The following PDE10A variants were observed in gnomAD, a reference collection of about 807,000 sequenced individuals.
PDE10A encodes the protein cAMP and cAMP-inhibited cGMP 3',5'-cyclic phosphodiesterase 10A.
Under a neutral mutation model 97.7 loss-of-function variants are expected in PDE10A, and 39 were observed. The ratio of observed to expected loss-of-function variants is 0.40; its 90% CI spans 0.31 to 0.52. The LOEUF (loss-of-function observed/expected upper bound fraction) is 0.52. PDE10A is among the 20% of genes least tolerant of loss of function. PDE10A has a pLI of 0.56. For missense variants in PDE10A, 731 were observed against 1,047.8 expected, an observed-to-expected ratio of 0.70 and a Z score of 4.17; for synonymous variants, 371 against 376.8, an observed-to-expected ratio of 0.98 and a Z score of 0.18.
rs544250504 is a variant in PDE10A, at chr6:165,744,038, T to G, written c.-614-200470A>C. 3.9e-5 allele frequency among the ~76,000 whole-genome samples: 6 copies of G among 152,274 alleles called. No homozygotes were observed. The South Asian group carries it at 1.0e-3, about 26-fold the overall frequency. ...TGATTGATCACTTCCCCCTAATGCCTCCTTTGTAAAATTGGGAGTTACAGG... is the reference window on the plus strand; with the variant it reads ...TGATTGATCACTTCCCCCTAATGCCGCCTTTGTAAAATTGGGAGTTACAGG... On this transcript the variant is annotated intron_variant, in intron 1 of 19. Coordinates refer to the PDE10A transcript ENST00000366882.
intron 1 of PDE10A, among the ~76,000 whole-genome samples, chr6:165,745,181 C>T (rs956495743): frequency 3.9e-5 from 6 of 152,116 alleles, no homozygotes; most frequent in African/African-American, 1.2e-4. Flanking sequence ...GCTGTGGAAA[C>T]CTCACATCAC....
At chr6:165,861,941 G>A (rs1051143772) in intron 1 of PDE10A, among the ~76,000 whole-genome samples, 1 of 152,174 alleles carries the variant, frequency 6.6e-6, no homozygotes, top group African/African-American at 2.4e-5. Flanking sequence ...TTCAGACTCT[G>A]ACCAGGCAAC....
intron 2 of PDE10A, among the ~76,000 whole-genome samples, chr6:165,483,933 T>C (rs994468994): frequency 6.6e-6 from 1 of 152,228 alleles, no homozygotes; most frequent in Non-Finnish European, 1.5e-5. Context: ...GTTTATAAAA[T>C]CAATAATTTT....
chr6:165,547,386 T>C (rs1441637358), intron 1 of PDE10A, among the ~76,000 whole-genome samples: 1 of 152,116 alleles, frequency 6.6e-6, no homozygotes, highest in Admixed American at 6.5e-5. Context: ...GAAGAGCTGA[T>C]GAATTTCATT....
intron 3 of PDE10A, among the ~76,000 whole-genome samples, chr6:165,460,332 C>T (rs1778246121): frequency 6.6e-6 from 1 of 152,204 alleles, no homozygotes; most frequent in South Asian, 2.1e-4. Context: ...GTTGTTTTAT[C>T]TACTTTTGTT....
At chr6:165,774,471 ATAAT>A (rs1458041562) in intron 1 of PDE10A, among the ~76,000 whole-genome samples, 1 of 148,136 alleles carries the variant, frequency 6.8e-6, no homozygotes, top group African/African-American at 2.4e-5. Flanking sequence ...ACATGTATAT[ATAAT>A]ATATAAAAAT....
At chr6:165,749,143 T>C (rs2128455291) in intron 1 of PDE10A, among the ~76,000 whole-genome samples, 1 of 21,848 alleles carries the variant, frequency 4.6e-5, no homozygotes, top group East Asian at 1.1e-3. Context: ...AGTACTTAAA[T>C]AAAGACATAG....
chr6:165,918,906 T>A (rs1250733010), intron 1 of PDE10A, among the ~76,000 whole-genome samples: 2 of 152,158 alleles, frequency 1.3e-5, no homozygotes, highest in African/African-American at 4.8e-5. Flanking sequence ...TACAGAGGAC[T>A]GTTTTTAATG....
chr6:165,773,686 C>A (rs932535598), intron 1 of PDE10A, among the ~76,000 whole-genome samples: 1 of 152,056 alleles, frequency 6.6e-6, no homozygotes, highest in Non-Finnish European at 1.5e-5. Context: ...AGTTTATTGT[C>A]AAAATTTCCA....
At chr6:165,610,392 A>G (rs1428038936) in intron 1 of PDE10A, among the ~76,000 whole-genome samples, 2 of 152,124 alleles carry the variant, frequency 1.3e-5, no homozygotes, top group Non-Finnish European at 2.9e-5. Context: ...CTAGCTGGGC[A>G]TGGTGGCAGG....
Position 165,671,342 on chromosome 6 carries a change from G to A in PDE10A, c.-614-127774C>T, listed in dbSNP as rs1045254539. On this transcript the variant is annotated intron_variant, in intron 1 of 19. Coordinates refer to the PDE10A transcript ENST00000366882. This position sits in a 1 kb window ranked among gnomAD's most constrained non-coding sequence, Gnocchi z 4.6. The stretch of plus-strand genomic sequence containing the variant: ...ATTTTGGGAATATAGTAAGCACAAC[G>A]ACCCATGAGTGATCACAGAGTGAGC... Among the ~76,000 whole-genome samples the A allele has an allele frequency of 4.1e-4, 63 of 151,950 alleles. No homozygotes were observed. The highest frequency in any genetic ancestry group is 2.9e-4 in the Non-Finnish European group (20 of 68,014).
At chr6:165,866,535 A>C (rs1781056353) in intron 1 of PDE10A, among the ~76,000 whole-genome samples, 1 of 151,970 alleles carries the variant, frequency 6.6e-6, no homozygotes, top group Admixed American at 6.6e-5. Flanking sequence ...GTGTGCAAGT[A>C]TGTGCTGCAT....
Position 165,655,783 on chromosome 6 carries a change from TCTGA to T in PDE10A, c.865+6160_865+6163del, listed in dbSNP as rs943318421. 6.6e-6 allele frequency among the ~76,000 whole-genome samples: 1 copy of T among 152,072 alleles called. No individual in the cohort carries two copies. The highest frequency in any genetic ancestry group is 1.5e-5 in the Non-Finnish European group (1 of 68,004). ...TGCGGAGTAAACTGCAGTTTTTTCCTCTGACTGACAAAGCCTTCATCCGGCCCAT... is the reference window on the plus strand; with the variant it reads ...TGCGGAGTAAACTGCAGTTTTTTCCTCTGACAAAGCCTTCATCCGGCCCAT... On this transcript the variant is annotated intron_variant, in intron 1 of 21. Transcript: ENST00000539869. This position sits in a 1 kb window ranked among gnomAD's most constrained non-coding sequence, Gnocchi z 4.5.
intron 1 of PDE10A, among the ~76,000 whole-genome samples, chr6:165,704,349 G>A (rs139613286): frequency 2.0e-5 from 3 of 152,226 alleles, no homozygotes; most frequent in Admixed American, 6.5e-5. Context: ...AAACCCAACC[G>A]GCAACACTGG....
At chr6:165,957,346 T>C (rs1784163567) in intron 1 of PDE10A, among the ~76,000 whole-genome samples, 1 of 151,994 alleles carries the variant, frequency 6.6e-6, no homozygotes, top group South Asian at 2.1e-4. Context: ...TCAGACTTGG[T>C]GGCACATGTC....
At chr6:165,436,629 A>C (rs1257069655) in intron 5 of PDE10A, among the ~76,000 whole-genome samples, 1 of 152,178 alleles carries the variant, frequency 6.6e-6, no homozygotes, top group African/African-American at 2.4e-5. Context: ...GCATGTGAAA[A>C]ATTTAAGTAA....
chr6:165,907,591 T>G lies in PDE10A; in HGVS notation c.-615+79938A>C, dbSNP rs1264053002. On this transcript the variant is annotated intron_variant, in intron 1 of 19. Coordinates refer to the PDE10A transcript ENST00000366882. The stretch of plus-strand genomic sequence containing the variant: ...CAGCTTCCTTTCCCCCTCATCATCC[T>G]GCTCCTCAGCCAGGTGTCAGGGGTT... 4.6e-5 allele frequency among the ~76,000 whole-genome samples: 7 copies of G among 152,356 alleles called. 1 individual carries two copies. In the East Asian group the frequency reaches 1.4e-3, roughly 29 times the overall value.
At chr6:165,982,401 C>G (rs1785047408) in intron 1 of PDE10A, among the ~76,000 whole-genome samples, 1 of 152,112 alleles carries the variant, frequency 6.6e-6, no homozygotes, top group African/African-American at 2.4e-5. Context: ...AATAATATAC[C>G]ACTTACGTAA....
At chr6:165,468,648 T>A (rs573018596) in intron 3 of PDE10A, among the ~76,000 whole-genome samples, 52 of 152,324 alleles carry the variant, frequency 3.4e-4, no homozygotes, top group African/African-American at 1.1e-3. Context: ...AGGCTACTAT[T>A]CTCATGGAGT....
Sources: allele counts gnomAD v4.1 joint callset (sites outside exome capture counted in the v4.1 genomes callset), GRCh38; gene constraint gnomAD v4.1.1; non-coding constraint Gnocchi (gnomAD v3.1); transcripts MANE v1.5; gene names NCBI Gene and HGNC (gene_info 2026-07-23, HGNC 2026-07-21).